The following CFAP20DC variants were observed in gnomAD, a reference collection of about 807,000 sequenced individuals.
The protein encoded by CFAP20DC is CFAP20 domain containing.
CFAP20DC carries 84 observed loss-of-function variants against 101.7 expected under a neutral mutation model. That is an observed-to-expected ratio of 0.83 (90% CI 0.69 to 0.99). The LOEUF is 0.99. Ranked by LOEUF, CFAP20DC falls within the 50% of genes least tolerant of loss-of-function variation. The probability of loss-of-function intolerance (pLI) is 0.00; values close to 1 mark genes in which losing one functional copy is unlikely to be tolerated. For missense variants in CFAP20DC, 1,007 were observed against 970.3 expected, an observed-to-expected ratio of 1.04 and a Z score of -0.50; for synonymous variants, 359 against 351.2, an observed-to-expected ratio of 1.02 and a Z score of -0.25.
chr3:58,896,849 A>C (rs1257052500), intron 6 of CFAP20DC, among the ~76,000 whole-genome samples: 1 of 152,132 alleles, frequency 6.6e-6, no homozygotes, highest in African/African-American at 2.4e-5. Context: ...GATGAGAAGA[A>C]TGTATACTCT....
intron 12 of CFAP20DC, among the ~76,000 whole-genome samples, chr3:58,851,829 A>G (rs1224145364): frequency 6.6e-6 from 1 of 152,174 alleles, no homozygotes; most frequent in East Asian, 1.9e-4. Flanking sequence ...TATAAGGTGG[A>G]TACCTAATGA....
intron 15 of CFAP20DC, among the ~76,000 whole-genome samples, chr3:58,789,958 G>A (rs1018895797): frequency 2.0e-5 from 3 of 152,120 alleles, no homozygotes; most frequent in Non-Finnish European, 2.9e-5. Context: ...GAAAGATACA[G>A]AAATGTTAAA....
At position 58,913,030 on chromosome 3, in the gene CFAP20DC, C is replaced by T. The variant is rs1265337699; in HGVS notation, c.550+678G>A. On this transcript the variant is annotated intron_variant, in intron 6 of 16. Coordinates refer to ENST00000482387, the MANE Select transcript of CFAP20DC (RefSeq NM_001394063.1). This position sits in a 1 kb window ranked among gnomAD's most constrained non-coding sequence, Gnocchi z 4.4. ...CAGGAATCAGACATTGCTTTGCCTGCCTTCCTTGCAGCATGCAACCTAGAC... is the reference window on the plus strand; with the variant it reads ...CAGGAATCAGACATTGCTTTGCCTGTCTTCCTTGCAGCATGCAACCTAGAC... Among the ~76,000 whole-genome samples the T allele has an allele frequency of 5.9e-5, 9 of 152,132 alleles. No homozygotes were observed. The highest frequency in any genetic ancestry group is 2.1e-4 in the South Asian group (1 of 4,824).
At chr3:58,844,449 C>G (rs2077433513) in intron 13 of CFAP20DC, among the ~76,000 whole-genome samples, 1 of 140,186 alleles carries the variant, frequency 7.1e-6, no homozygotes, top group Non-Finnish European at 1.5e-5. Context: ...ATCAATTCAA[C>G]AAGAAGAGCT....
chr3:58,913,966 G>T lies in CFAP20DC; in HGVS notation c.394-102C>A. On this transcript the variant is annotated intron_variant, in intron 5 of 16. Transcript: ENST00000482387. This position sits in a 1 kb window ranked among gnomAD's most constrained non-coding sequence, Gnocchi z 4.4. ...TTCAAAGAGTTGAGGCAGTTATCCTGATCAACAAGCCCCAAACTAATTTTC... is the reference window on the plus strand; with the variant it reads ...TTCAAAGAGTTGAGGCAGTTATCCTTATCAACAAGCCCCAAACTAATTTTC... 1.6e-6 allele frequency: 2 copies of T among 1,235,622 alleles called. No homozygotes were observed. The highest frequency in any genetic ancestry group is 2.3e-6 in the Non-Finnish European group (2 of 879,068). 76.5% of individuals were successfully genotyped at this position (1,235,622 alleles called of 1,614,324 possible). A position where few individuals can be genotyped will look rare whatever the true frequency, so the allele number is the denominator to read the frequency against.
At chr3:58,893,611 A>G (rs925579850) in intron 6 of CFAP20DC, among the ~76,000 whole-genome samples, 7 of 152,204 alleles carry the variant, frequency 4.6e-5, no homozygotes, top group African/African-American at 1.7e-4. Context: ...TTTTTGTGGT[A>G]TATCTGCCAG....
chr3:59,012,129 G>C (rs971092334), intron 4 of CFAP20DC, among the ~76,000 whole-genome samples: 12 of 152,134 alleles, frequency 7.9e-5, no homozygotes, highest in African/African-American at 2.9e-4. Context: ...TGATATCATA[G>C]AAGTATAAAA....
chr3:58,816,701 C>A (rs190092095), intron 14 of CFAP20DC, among the ~76,000 whole-genome samples: 1 of 152,124 alleles, frequency 6.6e-6, no homozygotes, highest in African/African-American at 2.4e-5. Flanking sequence ...AAGGTGGAAG[C>A]GAGGCTGGGG....
At chr3:58,980,208 C>G (rs2092468489) in intron 4 of CFAP20DC, among the ~76,000 whole-genome samples, 1 of 152,130 alleles carries the variant, frequency 6.6e-6, no homozygotes, top group African/African-American at 2.4e-5. Context: ...TTGTCTGCCT[C>G]CCATCATCAA....
At chr3:58,808,275 A>T in intron 14 of CFAP20DC, among the ~76,000 whole-genome samples, 1 of 152,212 alleles carries the variant, frequency 6.6e-6, no homozygotes, top group Non-Finnish European at 1.5e-5. Flanking sequence ...GATTCACCAA[A>T]GTTGAAATGA....
chr3:58,798,565 C>G (rs2073428111), intron 15 of CFAP20DC, among the ~76,000 whole-genome samples: 1 of 152,216 alleles, frequency 6.6e-6, no homozygotes, highest in African/African-American at 2.4e-5. Flanking sequence ...TGAAATATTA[C>G]ATACACTGAG....
intron 3 of CFAP20DC, among the ~76,000 whole-genome samples, chr3:59,040,801 A>C (rs951139690): frequency 1.3e-5 from 2 of 152,042 alleles, no homozygotes; most frequent in African/African-American, 4.8e-5. Flanking sequence ...CTAAACAATA[A>C]ACATATTTGA....
intron 4 of CFAP20DC, among the ~76,000 whole-genome samples, chr3:59,023,044 A>C (rs2093830724): frequency 6.6e-6 from 1 of 152,162 alleles, no homozygotes; most frequent in African/African-American, 2.4e-5. Flanking sequence ...TACATGGCAG[A>C]GCAAATTAAA....
intron 4 of CFAP20DC, among the ~76,000 whole-genome samples, chr3:59,029,147 A>G (rs1452757892): frequency 6.6e-6 from 1 of 152,090 alleles, no homozygotes; most frequent in Non-Finnish European, 1.5e-5. Flanking sequence ...TTCTCCCTTC[A>G]TTCATTAGTC....
intron 10 of CFAP20DC, 60 bp downstream of exon 10, chr3:58,867,757 A>C: frequency 1.9e-6 from 3 of 1,587,800 alleles, no homozygotes; most frequent in Non-Finnish European, 2.6e-6. Context: ...ACCTGCAGAG[A>C]GAGATTCGAT....
intron 4 of CFAP20DC, among the ~76,000 whole-genome samples, chr3:58,946,635 T>C (rs1312955747): frequency 1.3e-5 from 2 of 152,108 alleles, no homozygotes; most frequent in Non-Finnish European, 2.9e-5. Context: ...TCTGCTCCTG[T>C]CAAACCCCAT....
intron 10 of CFAP20DC, 89 bp from the exon 11 acceptor site, chr3:58,866,777 T>C: frequency 1.2e-6 from 1 of 846,604 alleles, no homozygotes; most frequent in Non-Finnish European, 1.8e-6. Flanking sequence ...TGGTATACTT[T>C]ACTATTTGAT....
At chr3:58,966,489 T>TATATATATATATAC (rs560664262) in intron 4 of CFAP20DC, among the ~76,000 whole-genome samples, 24 of 116,584 alleles carry the variant, frequency 2.1e-4, no homozygotes, top group African/African-American at 6.2e-4. Flanking sequence ...TATATATATA[T>TATATATATATATAC]ACACATATGT....
Position 58,732,201 on chromosome 3 carries a change from G to C in CFAP20DC, c.198-14573C>G, listed in dbSNP as rs529644617. ...GCATTCAGCAGAGTCACGGTCCAAG[G>C]CCTACCCTAATGACTCGTTAGGTCA... is the stretch of plus-strand genomic sequence containing the variant. On this transcript the variant is annotated intron_variant, in intron 3 of 3. Coordinates refer to the CFAP20DC transcript ENST00000486145. The surrounding 1 kb of genome is among the most constrained non-coding windows in gnomAD (Gnocchi z 5.4). Among the ~76,000 whole-genome samples the C allele has an allele frequency of 6.6e-6, 1 of 151,990 alleles. No individual in the cohort carries two copies. Among genetic ancestry groups the C allele is most frequent in the Non-Finnish European group, 1.5e-5 (1 of 68,008 alleles).
Sources: gnomAD v4.1 joint callset for allele counts (sites outside exome capture counted in the v4.1 genomes callset) on GRCh38, gnomAD v4.1.1 for gene constraint, Gnocchi (gnomAD v3.1) non-coding constraint, MANE v1.5 for transcripts, NCBI Gene and HGNC (gene_info 2026-07-23, HGNC 2026-07-21) for gene names.